TMEM132C: variants seen among roughly 807,000 people sequenced by gnomAD.
TMEM132C encodes the protein protein phosphatase 1, regulatory subunit 152.
TMEM132C carries 29 observed loss-of-function variants against 61.4 expected under a neutral mutation model. The observed-to-expected ratio is 0.47, with a 90% confidence interval of 0.35 to 0.64. The LOEUF (loss-of-function observed/expected upper bound fraction) is 0.64. Among genes scored for constraint, TMEM132C ranks in the 30% least tolerant of loss-of-function variants. TMEM132C has a pLI of 0.00. For missense variants in TMEM132C, 1,408 were observed against 1,476.9 expected (o/e 0.95, Z 0.76); for synonymous variants, 656 against 633.1 (o/e 1.04, Z -0.54).
At chr12:128,505,104 T>C (rs1872314047) in intron 2 of TMEM132C, among the ~76,000 whole-genome samples, 1 of 148,982 alleles carries the variant, frequency 6.7e-6, no homozygotes, top group Non-Finnish European at 1.5e-5. Context: ...AGTCCTTTGG[T>C]TGCAAGCAAC....
chr12:128,375,649 C>A (rs1874170761), intron 1 of TMEM132C, among the ~76,000 whole-genome samples: 1 of 152,130 alleles, frequency 6.6e-6, no homozygotes, highest in South Asian at 2.1e-4. Context: ...TCTGCAAAGA[C>A]CCTGTTTCCA....
chr12:128,272,221 A>T (rs1265099956), intron 1 of TMEM132C, among the ~76,000 whole-genome samples: 1 of 152,170 alleles, frequency 6.6e-6, no homozygotes, highest in Admixed American at 6.5e-5. Flanking sequence ...GCAACCACTG[A>T]TTAGTTATTT....
At chr12:128,547,543 G>A (rs778926510) in intron 3 of TMEM132C, among the ~76,000 whole-genome samples, 7 of 141,788 alleles carry the variant, frequency 4.9e-5, no homozygotes, top group African/African-American at 1.9e-4. Context: ...CAGCCTGGGC[G>A]ACAGAGCAAG....
intron 2 of TMEM132C, among the ~76,000 whole-genome samples, chr12:128,509,449 T>C (rs1324643714): frequency 2.0e-5 from 3 of 152,216 alleles, no homozygotes; most frequent in Non-Finnish European, 4.4e-5. Context: ...CTATGCATTC[T>C]TAGTGTGCTC....
chr12:128,312,399 A>T (rs1184906273), intron 1 of TMEM132C, among the ~76,000 whole-genome samples: 1 of 152,066 alleles, frequency 6.6e-6, no homozygotes, highest in Non-Finnish European at 1.5e-5. Context: ...CCAACTTCCC[A>T]GGCTCAGGTG....
intron 2 of TMEM132C, among the ~76,000 whole-genome samples, chr12:128,478,814 T>C (rs1871237615): frequency 6.6e-6 from 1 of 152,194 alleles, no homozygotes; most frequent in African/African-American, 2.4e-5. Context: ...CTCAACGACT[T>C]ATGCCAAGAG....
intron 4 of TMEM132C, 71 bp from the exon 5 acceptor site, chr12:128,669,346 C>A: frequency 6.6e-7 from 1 of 1,518,402 alleles, no homozygotes; most frequent in Admixed American, 2.0e-5. Flanking sequence ...GGAGATTCCC[C>A]CTAGAATTGT....
At chr12:128,393,310 A>T (rs1874831293) in intron 1 of TMEM132C, among the ~76,000 whole-genome samples, 1 of 152,152 alleles carries the variant, frequency 6.6e-6, no homozygotes, top group Non-Finnish European at 1.5e-5. Flanking sequence ...CAGAATTCCC[A>T]ACTTCATGGG....
chr12:128,396,930 G>A (rs552812573), intron 1 of TMEM132C, among the ~76,000 whole-genome samples: 53 of 152,316 alleles, frequency 3.5e-4, no homozygotes, highest in Non-Finnish European at 5.9e-4. Flanking sequence ...CCAATCAGGC[G>A]CAAAGCTGCA....
intron 2 of TMEM132C, among the ~76,000 whole-genome samples, chr12:128,458,068 G>GC (rs1870403978): frequency 6.6e-6 from 1 of 151,828 alleles, no homozygotes; most frequent in African/African-American, 2.4e-5. Context: ...AAGCCTAGCA[G>GC]TGAACCCCAT....
chr12:128,311,722 A>G (rs1871972859), intron 1 of TMEM132C, among the ~76,000 whole-genome samples: 1 of 152,196 alleles, frequency 6.6e-6, no homozygotes, highest in African/African-American at 2.4e-5. Flanking sequence ...ATGGCGACTC[A>G]CTTCACGTCG....
At chr12:128,320,045 G>A (rs796545909) in intron 1 of TMEM132C, among the ~76,000 whole-genome samples, 8 of 152,278 alleles carry the variant, frequency 5.3e-5, no homozygotes, top group African/African-American at 1.7e-4. Context: ...AAAAAAACCT[G>A]TTGAATCAGC....
At chr12:128,564,503 G>A (rs904867911) in intron 3 of TMEM132C, among the ~76,000 whole-genome samples, 1 of 152,168 alleles carries the variant, frequency 6.6e-6, no homozygotes, top group Non-Finnish European at 1.5e-5. Context: ...ACCCCGTGCT[G>A]CTTCTTTGCA....
intron 2 of TMEM132C, among the ~76,000 whole-genome samples, chr12:128,525,816 G>A (rs1248667773): frequency 1.3e-5 from 2 of 152,140 alleles, no homozygotes; most frequent in Non-Finnish European, 1.5e-5. Flanking sequence ...GTGCAGCAGT[G>A]CAATTGGCTG....
At chr12:128,510,654 A>G (rs78530903) in intron 2 of TMEM132C, among the ~76,000 whole-genome samples, 5,433 of 152,326 alleles carry the variant, frequency 0.036, 342 homozygotes, top group African/African-American at 0.12. Context: ...CATCAGATGG[A>G]CATGAACCTG....
At chr12:128,701,674 T>C (rs1954804569) in intron 8 of TMEM132C, among the ~76,000 whole-genome samples, 1 of 152,202 alleles carries the variant, frequency 6.6e-6, no homozygotes, top group African/African-American at 2.4e-5. Context: ...TTTATGTCTG[T>C]TCACCTGCCC....
At chr12:128,391,183 C>T (rs1409450531) in intron 1 of TMEM132C, among the ~76,000 whole-genome samples, 2 of 152,300 alleles carry the variant, frequency 1.3e-5, no homozygotes, top group South Asian at 4.1e-4. Context: ...AGTTTGAGAA[C>T]CACTACGGTA....
chr12:128,274,209 C>G (rs945517299), intron 1 of TMEM132C, among the ~76,000 whole-genome samples: 5 of 152,122 alleles, frequency 3.3e-5, no homozygotes, highest in Non-Finnish European at 5.9e-5. Context: ...TTTTTTCTTC[C>G]TGATTAAGGA....
intron 1 of TMEM132C, among the ~76,000 whole-genome samples, chr12:128,292,533 A>C (rs1871275049): frequency 6.6e-6 from 1 of 152,088 alleles, no homozygotes; most frequent in South Asian, 2.1e-4. Flanking sequence ...TGCTGGGCAC[A>C]CAGCAGGTAC....
Sources: gnomAD v4.1 joint callset for allele counts (sites outside exome capture counted in the v4.1 genomes callset) on GRCh38, gnomAD v4.1.1 for gene constraint, MANE v1.5 for transcripts, NCBI Gene and HGNC (gene_info 2026-07-23, HGNC 2026-07-21) for gene names.